The following PADI1 variants were observed in gnomAD, a reference collection of about 807,000 sequenced individuals.
The protein encoded by PADI1 is protein-arginine deiminase type-1.
A neutral mutation model predicts 74.8 loss-of-function variants in PADI1; 65 were observed. The observed-to-expected ratio is 0.87, with a 90% CI of 0.71 to 1.07. The LOEUF (loss-of-function observed/expected upper bound fraction) is 1.07. PADI1 is among the 50% of genes least tolerant of loss of function. PADI1 has a pLI of 0.00. For synonymous variants in PADI1, 371 were observed against 336.2 expected (o/e 1.10, Z -1.13); for missense variants, 943 against 854.0 (o/e 1.10, Z -1.30).
At chr1:17,221,496 C>A (rs2072148757) in intron 1 of PADI1, among the ~76,000 whole-genome samples, 1 of 134,884 alleles carries the variant, frequency 7.4e-6, no homozygotes, top group Admixed American at 7.7e-5. Context: ...AGAATCAGAG[C>A]AGGGGAAGGG....
At chr1:17,226,469 G>A (rs1342885721) in intron 6 of PADI1, among the ~76,000 whole-genome samples, 1 of 152,132 alleles carries the variant, frequency 6.6e-6, no homozygotes, top group Non-Finnish European at 1.5e-5. Context: ...CCCCACACCC[G>A]TTCCCTCCTC....
At chr1:17,220,376 G>A (rs1473726333) in intron 1 of PADI1, among the ~76,000 whole-genome samples, 2 of 152,146 alleles carry the variant, frequency 1.3e-5, no homozygotes, top group African/African-American at 4.8e-5. Context: ...TTTCTCCAGA[G>A]GGCTGAATAT....
chr1:17,216,271 G>A (rs1457228199), intron 1 of PADI1, among the ~76,000 whole-genome samples: 1 of 152,234 alleles, frequency 6.6e-6, no homozygotes, highest in Non-Finnish European at 1.5e-5. Flanking sequence ...TGTGGGGAGA[G>A]AGGGGAAGCA....
chr1:17,242,649 G>T (rs2072801113), intron 15 of PADI1, among the ~76,000 whole-genome samples: 1 of 152,218 alleles, frequency 6.6e-6, no homozygotes, highest in African/African-American at 2.4e-5. Flanking sequence ...CTTCACTGGA[G>T]GGTCCCATAG....
chr1:17,230,564 C>A lies in PADI1; in HGVS notation c.1054-8C>A, dbSNP rs2072461374. The A allele has an allele frequency of 1.9e-6, 3 of 1,590,084 alleles. No homozygotes were observed. Among genetic ancestry groups the A allele is most frequent in the East Asian group, 2.2e-5 (1 of 44,662 alleles). On this transcript the variant is annotated splice_polypyrimidine_tract_variant and splice_region_variant and intron_variant, in intron 9 of 15. Coordinates refer to ENST00000375471, the MANE Select transcript of PADI1 (RefSeq NM_013358.3). Reference sequence around the variant, plus strand: ...GTCACTGTGGCTTTTTCATCTCTCCCCTCCCAGGACGAGATGGAGTTTGGC... The same window carrying A: ...GTCACTGTGGCTTTTTCATCTCTCCACTCCCAGGACGAGATGGAGTTTGGC...
chr1:17,223,716 C>T (rs2072229383), intron 3 of PADI1, 23 bp downstream of exon 3: 20 of 1,598,698 alleles, frequency 1.3e-5, no homozygotes, highest in Non-Finnish European at 1.7e-5. Flanking sequence ...TCCCTGGCTG[C>T]CCATCTATCC....
At chr1:17,216,858 C>T (rs189146946) in intron 1 of PADI1, among the ~76,000 whole-genome samples, 75 of 151,932 alleles carry the variant, frequency 4.9e-4, no homozygotes, top group African/African-American at 1.5e-3. Context: ...TGACAGAGCA[C>T]GACGTTGTCT....
chr1:17,238,714 G>A lies in PADI1; in HGVS notation c.1552+5G>A. 2.7e-6 allele frequency: 4 copies of A among 1,476,570 alleles called. No homozygotes were observed. The highest frequency in any genetic ancestry group is 1.3e-5 in the South Asian group (1 of 76,442). The allele number at this position is 1,476,570 out of a possible 1,614,324, so 91.5% of individuals were successfully genotyped here. On this transcript the variant is annotated splice_donor_5th_base_variant and intron_variant, in intron 13 of 15. Coordinates refer to ENST00000375471, the MANE Select transcript of PADI1 (RefSeq NM_013358.3). ...GGGAGGCAGCCCAGTTTGATGGTGA[G>A]TGCCAATGACCCGGTCACCCCTGGG... is the stretch of plus-strand genomic sequence containing the variant.
chr1:17,208,768 C>A (rs950393546), intron 1 of PADI1, among the ~76,000 whole-genome samples: 1 of 152,210 alleles, frequency 6.6e-6, no homozygotes, highest in South Asian at 2.1e-4. Flanking sequence ...GTGGCTCATG[C>A]CAATAAAGAC....
At chr1:17,234,671 G>A (rs2072584302) in intron 11 of PADI1, among the ~76,000 whole-genome samples, 1 of 152,196 alleles carries the variant, frequency 6.6e-6, no homozygotes, top group Non-Finnish European at 1.5e-5. Context: ...TACCAGTTCA[G>A]TAAATATTTA....
At chr1:17,223,248 C>A (rs767896447) in intron 2 of PADI1, among the ~76,000 whole-genome samples, 1 of 152,174 alleles carries the variant, frequency 6.6e-6, no homozygotes, top group Non-Finnish European at 1.5e-5. Context: ...TCATTCCCAT[C>A]TTATTGAGGA....
chr1:17,225,767 C>G, intron 4 of PADI1, 44 bp from the exon 5 acceptor site: 1 of 1,437,236 alleles, frequency 7.0e-7, no homozygotes, highest in Non-Finnish European at 9.8e-7. Flanking sequence ...CTTCCTGGAG[C>G]CTCCTGGGTC....
intron 1 of PADI1, among the ~76,000 whole-genome samples, chr1:17,219,190 G>A (rs2072063853): frequency 1.3e-5 from 2 of 152,086 alleles, no homozygotes; most frequent in South Asian, 4.1e-4. Flanking sequence ...CTCAAGGGAG[G>A]GAAGGATGAG....
In PADI1 at chr1:17,232,853, C is replaced by T. The variant is rs565223986; in HGVS notation, c.1196C>T (p.Pro399Leu). 9 of 1,613,320 alleles carry T rather than the reference C, an allele frequency of 5.6e-6. No homozygotes were observed. The highest frequency in any genetic ancestry group is 4.4e-5 in the South Asian group (4 of 91,002). The change falls in exon 11 of 16, where the codon CCG becomes CTG. Residue 399 changes from proline to leucine, a missense_variant. Pro to Leu is a moderately conservative substitution (Grantham distance 98). Coordinates refer to ENST00000375471, the MANE Select transcript of PADI1 (RefSeq NM_013358.3). ...TTTGGATATGTTACCCGGGAGATCC[C>T]GCTCCCTGGTCCCTCCAGCCTTGAC... ...PDFGYVTREI[P>L]LPGPSSLDSF...
chr1:17,215,887 G>A (rs1215154848), intron 1 of PADI1, among the ~76,000 whole-genome samples: 1 of 152,262 alleles, frequency 6.6e-6, no homozygotes, highest in African/African-American at 2.4e-5. Flanking sequence ...TCAGGTGGCT[G>A]GGAGGTGGCC....
At chr1:17,230,475 C>T in intron 9 of PADI1, 97 bp from the exon 10 acceptor site, 1 of 852,870 alleles carries the variant, frequency 1.2e-6, no homozygotes, top group South Asian at 1.8e-5. Flanking sequence ...TAGGGAAGAC[C>T]CGCTGCCCTG....
At chr1:17,214,784 G>A (rs2071930224) in intron 1 of PADI1, among the ~76,000 whole-genome samples, 1 of 152,198 alleles carries the variant, frequency 6.6e-6, no homozygotes. Context: ...CACAGATCTG[G>A]GCACCTGAGA....
chr1:17,233,981 G>A (rs1465139474), intron 11 of PADI1, among the ~76,000 whole-genome samples: 1 of 152,254 alleles, frequency 6.6e-6, no homozygotes, highest in African/African-American at 2.4e-5. Flanking sequence ...ACACTACTGT[G>A]TGGGCTGTTC....
At chr1:17,227,467 G>T (rs1304634616) in intron 6 of PADI1, among the ~76,000 whole-genome samples, 1 of 150,878 alleles carries the variant, frequency 6.6e-6, no homozygotes, top group Non-Finnish European at 1.5e-5. Context: ...GGAAGTCAAG[G>T]CTGCAGGGAG....
Sources: allele counts gnomAD v4.1 joint callset (sites outside exome capture counted in the v4.1 genomes callset), GRCh38; gene constraint gnomAD v4.1.1; transcripts MANE v1.5; gene names NCBI Gene and HGNC (gene_info 2026-07-23, HGNC 2026-07-21).